GTF2IRD1: variants seen among roughly 807,000 people sequenced by gnomAD.
The protein encoded by GTF2IRD1 is general transcription factor II-I repeat domain-containing protein 1.
In GTF2IRD1, 26 loss-of-function variants were observed where a neutral mutation model predicts 113.2. The ratio of observed to expected loss-of-function variants is 0.23; its 90% CI spans 0.17 to 0.32. The LOEUF (loss-of-function observed/expected upper bound fraction) is 0.32. GTF2IRD1 is among the 10% of genes least tolerant of loss of function. GTF2IRD1 has a pLI of 1.00. For missense variants in GTF2IRD1, 864 were observed against 1,280.8 expected (o/e 0.67, Z 4.97); for synonymous variants, 484 against 529.1 (o/e 0.91, Z 1.17).
chr7:74,500,472 G>A (rs1352786565), intron 1 of GTF2IRD1, among the ~76,000 whole-genome samples: 2 of 151,466 alleles, frequency 1.3e-5, no homozygotes, highest in Non-Finnish European at 2.9e-5. Context: ...GGGTGTGCCA[G>A]TTGGAGAGCT....
chr7:74,503,368 C>T (rs1796136117), intron 1 of GTF2IRD1, among the ~76,000 whole-genome samples: 2 of 152,156 alleles, frequency 1.3e-5, no homozygotes, highest in African/African-American at 2.4e-5. Flanking sequence ...CTACTATTCT[C>T]GGACTGTAAC....
rs1011402194 is a variant in GTF2IRD1 at position 74,602,113 on chromosome 7, G to C, written c.2767-252G>C. ...AAAAATTAGCCGGGCATGGTGGCGG[G>C]CGCCTATAATCCCAGCTACTCGGGA... On this transcript the variant is annotated intron_variant, in intron 26 of 26. Coordinates refer to ENST00000424337, the MANE Select transcript of GTF2IRD1 (RefSeq NM_005685.4). 2.6e-5 allele frequency: 8 copies of C among 313,314 alleles called. No homozygotes were observed. In the Admixed American group the frequency reaches 3.3e-4, roughly 13 times the overall value. The allele number at this position is 313,314 out of a possible 1,614,324, so 19.4% of individuals were successfully genotyped here.
intron 11 of GTF2IRD1, among the ~76,000 whole-genome samples, chr7:74,536,483 G>T (rs1169256278): frequency 6.6e-6 from 1 of 152,162 alleles, no homozygotes; most frequent in Admixed American, 6.5e-5. Context: ...CCAACATCTA[G>T]CCAGATGTCA....
chr7:74,601,012 CCA>C (rs1802727239), intron 25 of GTF2IRD1, 30 bp from the exon 26 acceptor site: 1 of 1,612,652 alleles, frequency 6.2e-7, no homozygotes, highest in Non-Finnish European at 8.5e-7. Context: ...GCCTCAGCTT[CCA>C]GTGTCAACAG....
At chr7:74,468,175 T>TAA (rs577776144) in intron 1 of GTF2IRD1, among the ~76,000 whole-genome samples, 1 of 152,018 alleles carries the variant, frequency 6.6e-6, no homozygotes, top group African/African-American at 2.4e-5. Flanking sequence ...TACAGGTAAT[T>TAA]AAACACCCAA....
At chr7:74,559,547 C>T (rs1799819719) in intron 21 of GTF2IRD1, 80 bp from the exon 22 acceptor site, 3 of 1,306,476 alleles carry the variant, frequency 2.3e-6, no homozygotes, top group East Asian at 2.5e-5. Context: ...CAGGGGAGAC[C>T]GAGGCCACTG....
chr7:74,537,408 G>A lies in GTF2IRD1; in HGVS notation c.1410-728G>A, dbSNP rs377413849. The stretch of plus-strand genomic sequence containing the variant: ...AGCCTGGGCAACAGAACAAGACTCC[G>A]TCTCAAAAAAAAAAAACAAAAAAAA... On this transcript the variant is annotated intron_variant, in intron 11 of 26. Transcript: ENST00000424337. Among the ~76,000 whole-genome samples the A allele has an allele frequency of 2.7e-4, 40 of 149,224 alleles. 1 individual carries two copies. The highest frequency in any genetic ancestry group is 8.4e-4 in the African/African-American group (34 of 40,516).
At chr7:74,503,488 G>A (rs1554340066) in intron 1 of GTF2IRD1, among the ~76,000 whole-genome samples, 1 of 151,914 alleles carries the variant, frequency 6.6e-6, no homozygotes, top group African/African-American at 2.4e-5. Context: ...TTTAGGCCGG[G>A]CTGTAATCCC....
chr7:74,567,423 C>T (rs587770838), intron 22 of GTF2IRD1, among the ~76,000 whole-genome samples: 1 of 152,214 alleles, frequency 6.6e-6, no homozygotes, highest in South Asian at 2.1e-4. Flanking sequence ...GTTGCACCAG[C>T]CTCTGCTGGG....
intron 16 of GTF2IRD1, among the ~76,000 whole-genome samples, chr7:74,546,225 T>C (rs1173216580): frequency 1.9e-4 from 28 of 148,326 alleles, no homozygotes; most frequent in South Asian, 4.3e-4. Flanking sequence ...TTTCTTTTTT[T>C]TTTTTTTTTT....
intron 22 of GTF2IRD1, among the ~76,000 whole-genome samples, chr7:74,583,095 C>G (rs1554366616): frequency 6.6e-6 from 1 of 152,134 alleles, no homozygotes; most frequent in Non-Finnish European, 1.5e-5. Context: ...TTGATGTTGA[C>G]TGAGCTAGAG....
chr7:74,530,493 ATT>A lies in GTF2IRD1; in HGVS notation c.1274+596_1274+597del, dbSNP rs57782999. Among the ~76,000 whole-genome samples the A allele has an allele frequency of 8.7e-3, 888 of 102,192 alleles. 2 individuals carry two copies. The highest frequency in any genetic ancestry group is 0.019 in the African/African-American group (458 of 24,524). 67.0% of individuals were successfully genotyped at this position (102,192 alleles called of 152,430 possible). ...GTCTGGCCTAATCAGGCACTTTGTA[ATT>A]TTTTTTTTTTTTTTTTTTTGAATAG... On this transcript the variant is annotated intron_variant, in intron 9 of 26. Transcript: ENST00000424337.
intron 1 of GTF2IRD1, among the ~76,000 whole-genome samples, chr7:74,460,168 G>A (rs1554328732): frequency 2.0e-5 from 3 of 152,128 alleles, no homozygotes; most frequent in Admixed American, 6.6e-5. Flanking sequence ...GTGGAGATGG[G>A]GTTTCGCCAT....
intron 11 of GTF2IRD1, 119 bp from the exon 12 acceptor site, chr7:74,538,017 G>A (rs587654284): frequency 1.5e-5 from 13 of 879,326 alleles, no homozygotes; most frequent in Admixed American, 1.4e-4. Flanking sequence ...GGCCGATGGG[G>A]ACAGGGATGC....
At chr7:74,498,594 T>A (rs1795854978) in intron 1 of GTF2IRD1, among the ~76,000 whole-genome samples, 1 of 152,126 alleles carries the variant, frequency 6.6e-6, no homozygotes, top group Non-Finnish European at 1.5e-5. Context: ...GAAGCCTTAT[T>A]TGTCAGGCCC....
intron 22 of GTF2IRD1, among the ~76,000 whole-genome samples, chr7:74,575,097 CA>C (rs1800954710): frequency 8.3e-3 from 5 of 602 alleles, no homozygotes; most frequent in Non-Finnish European, 0.016. Flanking sequence ...TCTCAAAATA[CA>C]AAAAAACAAA....
chr7:74,507,949 AG>A, intron 1 of GTF2IRD1, 125 bp from the exon 2 acceptor site: 1 of 990,286 alleles, frequency 1.0e-6, no homozygotes, highest in East Asian at 2.7e-5. Context: ...GGCCCAGGGA[AG>A]GTCAGCCCTG....
At chr7:74,597,834 C>T (rs587758566) in intron 25 of GTF2IRD1, among the ~76,000 whole-genome samples, 4 of 152,288 alleles carry the variant, frequency 2.6e-5, no homozygotes, top group African/African-American at 9.6e-5. Flanking sequence ...CATAGACCAC[C>T]GTGGGCCACA....
intron 1 of GTF2IRD1, among the ~76,000 whole-genome samples, chr7:74,474,457 ACT>A: frequency 6.6e-6 from 1 of 152,070 alleles, no homozygotes; most frequent in Non-Finnish European, 1.5e-5. Flanking sequence ...TGTGTGAATC[ACT>A]CATCTGGACA....
Sources: gnomAD v4.1 joint callset for allele counts (sites outside exome capture counted in the v4.1 genomes callset) on GRCh38, gnomAD v4.1.1 for gene constraint, MANE v1.5 for transcripts, NCBI Gene and HGNC (gene_info 2026-07-23, HGNC 2026-07-21) for gene names.